HMGCLL1: variants seen among roughly 807,000 people sequenced by gnomAD.
The protein encoded by HMGCLL1 is 3-hydroxy-3-methylglutaryl-CoA lyase like 1.
HMGCLL1 carries 36 observed loss-of-function variants against 39.1 expected under a neutral mutation model. The observed-to-expected ratio is 0.92, with a 90% confidence interval of 0.71 to 1.22. HMGCLL1 has a LOEUF of 1.22. Ranked by LOEUF, HMGCLL1 falls within the 50% of genes most tolerant of loss-of-function variation. HMGCLL1 has a pLI of 0.00. For synonymous variants in HMGCLL1, 149 were observed against 144.0 expected (o/e 1.03, Z -0.25); for missense variants, 451 against 416.5 (o/e 1.08, Z -0.72).
At chr6:55,650,258 G>C in the HMGCLL1 span, among the ~76,000 whole-genome samples, 1 of 150,440 alleles carries the variant, frequency 6.6e-6, no homozygotes, top group Non-Finnish European at 1.5e-5. Flanking sequence ...CAGTGTTTGG[G>C]CATTGAAGGG....
chr6:55,574,665 G>A (rs1208623769), intron 1 of HMGCLL1, among the ~76,000 whole-genome samples: 3 of 151,942 alleles, frequency 2.0e-5, no homozygotes, highest in African/African-American at 7.2e-5. Flanking sequence ...CAGTATGATG[G>A]CAGTTTGGTC....
intron 7 of HMGCLL1, among the ~76,000 whole-genome samples, chr6:55,472,573 T>G (rs1765095096): frequency 6.6e-6 from 1 of 151,540 alleles, no homozygotes; most frequent in Non-Finnish European, 1.5e-5. Context: ...CATTGTGACT[T>G]GTTATTCAAT....
the HMGCLL1 span, among the ~76,000 whole-genome samples, chr6:55,586,763 G>A: frequency 6.6e-6 from 1 of 152,054 alleles, no homozygotes. Flanking sequence ...CTATGGTGGT[G>A]TATATGTGCC....
intron 6 of HMGCLL1, 23 bp downstream of exon 6, chr6:55,499,213 A>T: frequency 6.3e-7 from 1 of 1,592,064 alleles, no homozygotes; most frequent in Non-Finnish European, 8.6e-7. Context: ...CCATAAACCA[A>T]AAAAGCTGAA....
chr6:55,595,716 G>C, the HMGCLL1 span, among the ~76,000 whole-genome samples: 1 of 152,076 alleles, frequency 6.6e-6, no homozygotes, highest in South Asian at 2.1e-4. Flanking sequence ...ACTTGGAATT[G>C]GTTGGGAAAC....
At chr6:55,569,206 A>G (rs1392728577) in intron 1 of HMGCLL1, among the ~76,000 whole-genome samples, 1 of 152,158 alleles carries the variant, frequency 6.6e-6, no homozygotes, top group African/African-American at 2.4e-5. Context: ...CTCAAAAAGG[A>G]TAGAAGGGAA....
At chr6:55,607,738 G>A in the HMGCLL1 span, among the ~76,000 whole-genome samples, 6 of 152,056 alleles carry the variant, frequency 3.9e-5, no homozygotes, top group Admixed American at 3.9e-4. Context: ...CCCAGGTGTT[G>A]ATCCCAAGAG....
intron 5 of HMGCLL1, among the ~76,000 whole-genome samples, chr6:55,505,871 C>T (rs62407081): frequency 0.06 from 9,092 of 151,758 alleles, 311 homozygotes; most frequent in East Asian, 0.16. Flanking sequence ...GGCATAACCT[C>T]CTTCAGCAAT....
chr6:55,677,922 A>G, the HMGCLL1 span, among the ~76,000 whole-genome samples: 6 of 152,284 alleles, frequency 3.9e-5, no homozygotes, highest in Admixed American at 3.3e-4. Flanking sequence ...ACGTGTAAGA[A>G]CTTACTATTA....
chr6:55,543,450 ATG>A (rs1453947867), intron 1 of HMGCLL1, among the ~76,000 whole-genome samples: 17 of 14,632 alleles, frequency 1.2e-3, no homozygotes, highest in East Asian at 3.6e-3. Context: ...TATGATATAT[ATG>A]ATATATATCA....
At chr6:55,606,585 T>C in the HMGCLL1 span, among the ~76,000 whole-genome samples, 2 of 152,256 alleles carry the variant, frequency 1.3e-5, no homozygotes, top group South Asian at 4.1e-4. Flanking sequence ...TAAAAATATT[T>C]AGGCAGATAT....
the HMGCLL1 span, among the ~76,000 whole-genome samples, chr6:55,658,305 G>A: frequency 6.6e-6 from 1 of 151,854 alleles, no homozygotes; most frequent in Non-Finnish European, 1.5e-5. Context: ...CAACGTCTTA[G>A]GTTAAATTCT....
chr6:55,518,264 C>A (rs1767851035), intron 3 of HMGCLL1, among the ~76,000 whole-genome samples: 1 of 152,146 alleles, frequency 6.6e-6, no homozygotes, highest in East Asian at 1.9e-4. Flanking sequence ...AAGAAATATA[C>A]TGGTTGTAAA....
chr6:55,516,123 T>C (rs1482320746), intron 4 of HMGCLL1, among the ~76,000 whole-genome samples: 1 of 152,044 alleles, frequency 6.6e-6, no homozygotes, highest in East Asian at 1.9e-4. Flanking sequence ...CACAAAAAGC[T>C]GATCAACAAA....
rs115995945 is a variant in HMGCLL1, at chr6:55,541,291, A to T, written c.297+438T>A. Among the ~76,000 whole-genome samples, 1,042 of 152,240 alleles carry T rather than the reference A, an allele frequency of 6.8e-3. 12 individuals carry two copies. Among genetic ancestry groups the T allele is most frequent in the African/African-American group, 0.024 (991 of 41,532 alleles). ...TATCCCTGTTGCAAATACAAGTGTC[A>T]AAAAAAGCAAAGTAAAAGGAGTATG... On this transcript the variant is annotated intron_variant, in intron 3 of 8. Coordinates refer to ENST00000274901, the MANE Select transcript of HMGCLL1 (RefSeq NM_001042406.2).
At chr6:55,500,117 C>T (rs1283809589) in intron 5 of HMGCLL1, among the ~76,000 whole-genome samples, 1 of 151,900 alleles carries the variant, frequency 6.6e-6, no homozygotes, top group East Asian at 1.9e-4. Flanking sequence ...ATGAAGCAAG[C>T]TGCATAAAAG....
intron 1 of HMGCLL1, among the ~76,000 whole-genome samples, chr6:55,568,213 C>T (rs1017378506): frequency 6.6e-6 from 1 of 151,964 alleles, no homozygotes; most frequent in Non-Finnish European, 1.5e-5. Flanking sequence ...TTAAAAACAC[C>T]TGAGTTTTCA....
At chr6:55,646,970 G>A in the HMGCLL1 span, among the ~76,000 whole-genome samples, 1 of 151,918 alleles carries the variant, frequency 6.6e-6, no homozygotes, top group Non-Finnish European at 1.5e-5. Context: ...TCTATTCAAT[G>A]CTGAAAGTAG....
chr6:55,663,914 C>T, the HMGCLL1 span, among the ~76,000 whole-genome samples: 17 of 151,884 alleles, frequency 1.1e-4, no homozygotes, highest in Middle Eastern at 3.4e-3. Context: ...AACCCTTTAC[C>T]ATTATGTAAT....
Sources: allele counts gnomAD v4.1 joint callset (sites outside exome capture counted in the v4.1 genomes callset), GRCh38; gene constraint gnomAD v4.1.1; transcripts MANE v1.5; gene names NCBI Gene and HGNC (gene_info 2026-07-23, HGNC 2026-07-21).